PARD3B: variants seen among roughly 807,000 people sequenced by gnomAD.
PARD3B encodes partitioning defective 3 homolog B.
A neutral mutation model predicts 130.2 loss-of-function variants in PARD3B; 103 were observed. That is an observed-to-expected ratio of 0.79 (90% confidence interval 0.67 to 0.93). The LOEUF (loss-of-function observed/expected upper bound fraction) is 0.93, where lower values mean the gene tolerates loss of function less well. PARD3B is among the 40% of genes least tolerant of loss of function. PARD3B has a pLI of 0.00. For synonymous variants in PARD3B, 583 were observed against 553.2 expected, an observed-to-expected ratio of 1.05 and a Z score of -0.76; for missense variants, 1,609 against 1,499.2, an observed-to-expected ratio of 1.07 and a Z score of -1.21.
At chr2:204,608,857 C>T (rs1195591661) in intron 1 of PARD3B, among the ~76,000 whole-genome samples, 1 of 152,174 alleles carries the variant, frequency 6.6e-6, no homozygotes, top group Non-Finnish European at 1.5e-5. Context: ...ATACAATTTA[C>T]TGTGTTGTGG....
intron 22 of PARD3B, among the ~76,000 whole-genome samples, chr2:205,602,067 TGA>T (rs1320823585): frequency 1.3e-5 from 2 of 152,308 alleles, no homozygotes; most frequent in African/African-American, 4.8e-5. Flanking sequence ...CTTAGTTTAT[TGA>T]GAGTTTTGAA....
intron 2 of PARD3B, among the ~76,000 whole-genome samples, chr2:204,784,564 C>T (rs892426561): frequency 6.6e-6 from 1 of 152,112 alleles, no homozygotes; most frequent in Non-Finnish European, 1.5e-5. Context: ...ACTAATTTTA[C>T]TTTGGGGTAT....
intron 2 of PARD3B, among the ~76,000 whole-genome samples, chr2:204,775,873 A>G (rs114034388): frequency 1.1e-3 from 165 of 152,228 alleles, no homozygotes; most frequent in Non-Finnish European, 1.9e-3. Flanking sequence ...TTTCTATTTA[A>G]AAATCTTTCT....
intron 2 of PARD3B, among the ~76,000 whole-genome samples, chr2:204,838,205 A>T (rs1167150993): frequency 8.6e-5 from 12 of 139,970 alleles, no homozygotes; most frequent in Admixed American, 8.5e-4. Context: ...ATTTTTGAGA[A>T]GGAGTCTCAC....
chr2:204,877,038 A>G (rs1227117970), intron 2 of PARD3B, among the ~76,000 whole-genome samples: 1 of 152,158 alleles, frequency 6.6e-6, no homozygotes, highest in Non-Finnish European at 1.5e-5. Flanking sequence ...AATGGCACAT[A>G]TGCACCATGG....
intron 4 of PARD3B, among the ~76,000 whole-genome samples, chr2:205,068,311 C>G (rs1427454336): frequency 6.6e-6 from 1 of 152,086 alleles, no homozygotes; most frequent in Non-Finnish European, 1.5e-5. Flanking sequence ...CTTAAGATTT[C>G]AAAGTAATCT....
chr2:205,158,673 T>C lies in PARD3B; in HGVS notation c.1435-49T>C, dbSNP rs1476601292. The C allele has an allele frequency of 6.6e-7, 1 of 1,513,178 alleles. No individual in the cohort carries two copies. Among genetic ancestry groups the C allele is most frequent in the East Asian group, 2.3e-5 (1 of 44,034 alleles). The allele number at this position is 1,513,178 out of a possible 1,614,324, so 93.7% of individuals were successfully genotyped here. On this transcript the variant is annotated intron_variant, in intron 10 of 22. Coordinates refer to ENST00000406610, the MANE Select transcript of PARD3B (RefSeq NM_001302769.2). The surrounding 1 kb of genome is among the most constrained non-coding windows in gnomAD (Gnocchi z 5.4). ...TCTGGTCATCTGAGAGAGTGAAATA[T>C]TAATCTGCTTTCTTCTCTTCACTCT... is the stretch of plus-strand genomic sequence containing the variant.
intron 2 of PARD3B, among the ~76,000 whole-genome samples, chr2:204,830,944 T>C (rs2043795916): frequency 2.0e-5 from 3 of 152,214 alleles, no homozygotes; most frequent in African/African-American, 7.2e-5. Flanking sequence ...GAATAAAGAA[T>C]TTAATCCCAA....
chr2:204,864,085 A>G (rs1291310682), intron 2 of PARD3B, among the ~76,000 whole-genome samples: 5 of 152,112 alleles, frequency 3.3e-5, no homozygotes, highest in Non-Finnish European at 2.9e-5. Flanking sequence ...TTGATTGCCA[A>G]TAGACTGTTT....
Position 205,473,692 on chromosome 2 carries a change from A to ATATATATG in PARD3B, c.3045-26197_3045-26196insGTATATAT, listed in dbSNP as rs1553520407. On this transcript the variant is annotated intron_variant, in intron 20 of 22. Coordinates refer to ENST00000406610, the MANE Select transcript of PARD3B (RefSeq NM_001302769.2). The surrounding 1 kb of genome is among the most constrained non-coding windows in gnomAD (Gnocchi z 4.9). ...TGTGTGTGTGTGTGTATGTATATATATATATATATATATATATACACACAC... is the reference window on the plus strand; with the variant it reads ...TGTGTGTGTGTGTGTATGTATATATATATATATGTATATATATATATATATACACACAC... Among the ~76,000 whole-genome samples the ATATATATG allele has an allele frequency of 4.4e-5, 6 of 137,838 alleles. No individual in the cohort carries two copies. The highest frequency in any genetic ancestry group is 1.8e-4 in the African/African-American group (6 of 33,698). The allele number at this position is 137,838 out of a possible 152,430, so 90.4% of individuals were successfully genotyped here.
At chr2:205,560,897 G>A (rs10171516) in intron 22 of PARD3B, among the ~76,000 whole-genome samples, 6,220 of 152,226 alleles carry the variant, frequency 0.041, 445 homozygotes, top group African/African-American at 0.14. Flanking sequence ...GTACATTCCC[G>A]GTGTTTCCGC....
chr2:205,113,529 G>T lies in PARD3B; in HGVS notation c.632G>T (p.Gly211Val). The T allele has an allele frequency of 6.2e-7, 1 of 1,613,334 alleles. No homozygotes were observed. Residue 211 changes from glycine (G) to valine (V), a missense_variant, in exon 6 of 23, where the codon GGC (glycine) becomes GTC (valine). Transcript: ENST00000406610. ...ACAGTGGAGATTTCTGGGGAAGGAGGCCCATTGGGAATACATGTAGTGCCC... is the reference window on the plus strand; with the variant it reads ...ACAGTGGAGATTTCTGGGGAAGGAGTCCCATTGGGAATACATGTAGTGCCC... Reference protein sequence around the residue: ...TRTVEISGEGGPLGIHVVPFF... With the variant: ...TRTVEISGEGVPLGIHVVPFF...
intron 22 of PARD3B, among the ~76,000 whole-genome samples, chr2:205,596,746 C>T (rs1260504131): frequency 1.3e-5 from 2 of 150,186 alleles, no homozygotes; most frequent in East Asian, 1.9e-4. Flanking sequence ...AATAGGGTAC[C>T]GTAATCCAAA....
chr2:205,310,280 G>C (rs371048376), intron 18 of PARD3B, among the ~76,000 whole-genome samples: 174 of 151,716 alleles, frequency 1.1e-3, no homozygotes, highest in African/African-American at 4.0e-3. Flanking sequence ...ATAGAGACGG[G>C]GTTTCACCAT....
intron 4 of PARD3B, chr2:205,048,392 T>G (rs933163278): frequency 2.6e-5 from 4 of 152,210 alleles, no homozygotes; most frequent in African/African-American, 9.6e-5. Context: ...TCTCCTTCCA[T>G]ATAGGACTGT....
At chr2:205,570,366 T>A (rs972518621) in intron 22 of PARD3B, among the ~76,000 whole-genome samples, 2 of 152,238 alleles carry the variant, frequency 1.3e-5, no homozygotes, top group East Asian at 3.8e-4. Flanking sequence ...ATAGTTCCTA[T>A]GTGACTGGTA....
chr2:204,628,525 G>A (rs369708149), intron 1 of PARD3B, among the ~76,000 whole-genome samples: 1 of 152,038 alleles, frequency 6.6e-6, no homozygotes, highest in Non-Finnish European at 1.5e-5. Flanking sequence ...ACAACATAGT[G>A]ATTTAATCAG....
At chr2:205,542,350 GTGTT>G (rs2052188952) in intron 21 of PARD3B, among the ~76,000 whole-genome samples, 1 of 85,950 alleles carries the variant, frequency 1.2e-5, no homozygotes, top group Non-Finnish European at 2.6e-5. Context: ...TCAGTAGTTT[GTGTT>G]TGTGTGTGTG....
chr2:205,214,211 GCTT>G (rs1201990358), intron 15 of PARD3B, among the ~76,000 whole-genome samples: 5 of 151,918 alleles, frequency 3.3e-5, no homozygotes, highest in South Asian at 2.1e-4. Context: ...AAATTTGTGT[GCTT>G]CTTATTTATT....
Sources: gnomAD v4.1 joint callset for allele counts (sites outside exome capture counted in the v4.1 genomes callset) on GRCh38, gnomAD v4.1.1 for gene constraint, Gnocchi (gnomAD v3.1) non-coding constraint, MANE v1.5 for transcripts, NCBI Gene and HGNC (gene_info 2026-07-23, HGNC 2026-07-21) for gene names.